ZDHHC2: variants seen among roughly 807,000 people sequenced by gnomAD.
ZDHHC2 encodes palmitoyltransferase ZDHHC2.
ZDHHC2 carries 51 observed loss-of-function variants against 55.6 expected under a neutral mutation model. The observed-to-expected ratio is 0.92, with a 90% CI of 0.73 to 1.16. ZDHHC2 has a LOEUF of 1.16. Ranked by LOEUF, ZDHHC2 falls within the 50% of genes most tolerant of loss-of-function variation. The pLI, the probability that ZDHHC2 is intolerant of heterozygous loss-of-function variation, is 0.00. For missense variants in ZDHHC2, 491 were observed against 442.4 expected, an observed-to-expected ratio of 1.11 and a Z score of -0.99; for synonymous variants, 199 against 152.9, an observed-to-expected ratio of 1.30 and a Z score of -2.22.
intron 1 of ZDHHC2, among the ~76,000 whole-genome samples, chr8:17,167,502 C>T (rs1243117123): frequency 1.3e-5 from 2 of 151,736 alleles, no homozygotes; most frequent in East Asian, 1.9e-4. Flanking sequence ...ACGGGGTTTC[C>T]GCATGTTGGC....
chr8:17,162,482 G>T (rs1804397447), intron 1 of ZDHHC2, among the ~76,000 whole-genome samples: 1 of 152,178 alleles, frequency 6.6e-6, no homozygotes, highest in Non-Finnish European at 1.5e-5. Flanking sequence ...GAAGCTGACG[G>T]GATGGTTTCT....
At chr8:17,192,169 A>G (rs1432970803) in intron 3 of ZDHHC2, among the ~76,000 whole-genome samples, 1 of 152,020 alleles carries the variant, frequency 6.6e-6, no homozygotes, top group Non-Finnish European at 1.5e-5. Flanking sequence ...AATTTTTTGT[A>G]GAGATGAGAT....
chr8:17,213,892 G>A lies in ZDHHC2; in HGVS notation c.951-1345G>A, dbSNP rs1807508924. 2.0e-5 allele frequency among the ~76,000 whole-genome samples: 3 copies of A among 152,122 alleles called. No individual in the cohort carries two copies. In the South Asian group the frequency reaches 6.2e-4, roughly 32 times the overall value. ...ATTTAAACCTGTGTGGAGATATGCT[G>A]TTTTCTGTTTTTTAAGATTTACCTC... On this transcript the variant is annotated intron_variant, in intron 10 of 12. Transcript: ENST00000262096.
At chr8:17,219,116 G>A (rs745801185) in intron 12 of ZDHHC2, among the ~76,000 whole-genome samples, 4 of 151,748 alleles carry the variant, frequency 2.6e-5, no homozygotes, top group Non-Finnish European at 5.9e-5. Flanking sequence ...CGGATGTGGT[G>A]TGGCGCACCT....
chr8:17,209,050 AAAC>A (rs1247690703), intron 8 of ZDHHC2, among the ~76,000 whole-genome samples: 2 of 152,172 alleles, frequency 1.3e-5, no homozygotes, highest in African/African-American at 2.4e-5. Context: ...CATATTCCAA[AAAC>A]AACATTTTAC....
At chr8:17,194,007 A>G (rs1014334003) in intron 3 of ZDHHC2, among the ~76,000 whole-genome samples, 7 of 152,150 alleles carry the variant, frequency 4.6e-5, no homozygotes, top group African/African-American at 1.7e-4. Context: ...TATGAGTGAG[A>G]ACGTGCAGTG....
At chr8:17,173,765 C>G (rs1180705280) in intron 1 of ZDHHC2, among the ~76,000 whole-genome samples, 1 of 151,982 alleles carries the variant, frequency 6.6e-6, no homozygotes, top group Non-Finnish European at 1.5e-5. Flanking sequence ...TCCTGTAAAG[C>G]TGCAGTCTGA....
chr8:17,190,287 C>G (rs185850544), intron 3 of ZDHHC2, among the ~76,000 whole-genome samples: 1 of 151,632 alleles, frequency 6.6e-6, no homozygotes, highest in Admixed American at 6.6e-5. Context: ...AGAATATATA[C>G]CAATAAATAC....
chr8:17,198,611 C>T (rs1356260712), intron 6 of ZDHHC2, among the ~76,000 whole-genome samples, 198 bp downstream of exon 6: 1 of 152,106 alleles, frequency 6.6e-6, no homozygotes, highest in Non-Finnish European at 1.5e-5. Context: ...ACTTTTAAAA[C>T]CAGTAGGTTA....
At chr8:17,195,684 T>C (rs1474971052) in intron 4 of ZDHHC2, 60 bp downstream of exon 4, 1 of 1,596,898 alleles carries the variant, frequency 6.3e-7, no homozygotes, top group African/African-American at 1.3e-5. Flanking sequence ...AAGGTGACTG[T>C]AAGAAAGTGT....
intron 5 of ZDHHC2, among the ~76,000 whole-genome samples, chr8:17,197,906 A>T (rs1223140172): frequency 1.3e-5 from 2 of 152,192 alleles, no homozygotes; most frequent in African/African-American, 4.8e-5. Context: ...TGGCTGGTTC[A>T]ATTTAGGAAA....
At chr8:17,219,949 C>T (rs1807841179) in intron 12 of ZDHHC2, among the ~76,000 whole-genome samples, 1 of 152,158 alleles carries the variant, frequency 6.6e-6, no homozygotes, top group Non-Finnish European at 1.5e-5. Flanking sequence ...AAGCCCCAAA[C>T]CAGCAACATT....
intron 1 of ZDHHC2, among the ~76,000 whole-genome samples, chr8:17,165,431 T>TA (rs1804555513): frequency 6.6e-6 from 1 of 152,200 alleles, no homozygotes; most frequent in African/African-American, 2.4e-5. Context: ...AAATGCAACT[T>TA]ACTCCAGGAC....
intron 1 of ZDHHC2, among the ~76,000 whole-genome samples, chr8:17,173,517 A>T (rs978631685): frequency 7.2e-5 from 11 of 151,918 alleles, no homozygotes; most frequent in Admixed American, 2.6e-4. Flanking sequence ...CGCTACAAAA[A>T]AAAATAAAAT....
At chr8:17,179,190 C>G (rs1442523790) in intron 1 of ZDHHC2, among the ~76,000 whole-genome samples, 2 of 152,110 alleles carry the variant, frequency 1.3e-5, no homozygotes, top group Non-Finnish European at 2.9e-5. Flanking sequence ...GGCCTCAAAA[C>G]TATGCTCTCA....
At chr8:17,207,623 A>C (rs922403892) in intron 7 of ZDHHC2, among the ~76,000 whole-genome samples, 3 of 152,184 alleles carry the variant, frequency 2.0e-5, no homozygotes, top group Non-Finnish European at 2.9e-5. Flanking sequence ...ATACTCCGTT[A>C]ATAAATTTAA....
chr8:17,216,048 A>G (rs1488592687), intron 11 of ZDHHC2, among the ~76,000 whole-genome samples: 1 of 152,172 alleles, frequency 6.6e-6, no homozygotes, highest in Non-Finnish European at 1.5e-5. Context: ...TAGACAAAAT[A>G]GGGTGATCAT....
chr8:17,185,638 C>T (rs1289336230), intron 2 of ZDHHC2, among the ~76,000 whole-genome samples: 13 of 151,940 alleles, frequency 8.6e-5, no homozygotes, highest in South Asian at 6.3e-4. Context: ...CCAGCCTGGG[C>T]GACAGAGTGA....
intron 12 of ZDHHC2, among the ~76,000 whole-genome samples, chr8:17,219,154 G>A (rs564323645): frequency 1.4e-5 from 2 of 147,424 alleles, no homozygotes; most frequent in African/African-American, 5.0e-5. Context: ...GGAGGCTGAG[G>A]CAGGAGAATT....
Sources: gnomAD v4.1 joint callset for allele counts (sites outside exome capture counted in the v4.1 genomes callset) on GRCh38, gnomAD v4.1.1 for gene constraint, MANE v1.5 for transcripts, NCBI Gene and HGNC (gene_info 2026-07-23, HGNC 2026-07-21) for gene names.